Variants in NHSL1 observed in about 807,000 individuals in gnomAD.
NHSL1 encodes NHS-like protein 1.
NHSL1 carries 48 observed loss-of-function variants against 95.0 expected under a neutral mutation model. That is an observed-to-expected ratio of 0.51 (90% CI 0.40 to 0.64). The LOEUF (loss-of-function observed/expected upper bound fraction) is 0.64. Among genes scored for constraint, NHSL1 ranks in the 30% least tolerant of loss-of-function variants. The probability of loss-of-function intolerance (pLI) is 0.00; values close to 1 mark genes in which losing one functional copy is unlikely to be tolerated. For missense variants in NHSL1, 1,971 were observed against 2,077.7 expected (o/e 0.95, Z 1.00); for synonymous variants, 783 against 833.9 (o/e 0.94, Z 1.05).
chr6:138,512,485 C>T (rs2128301674), intron 1 of NHSL1: 1 of 229,800 alleles, frequency 4.4e-6, no homozygotes, highest in East Asian at 1.4e-4. Context: ...AACAGGATAA[C>T]TCTATATTCT....
intron 5 of NHSL1, among the ~76,000 whole-genome samples, chr6:138,441,284 G>A (rs912832633): frequency 6.6e-6 from 1 of 152,094 alleles, no homozygotes; most frequent in Non-Finnish European, 1.5e-5. Context: ...TGGTATTATG[G>A]GCCCTATTAG....
In NHSL1 at chr6:138,422,086, G is replaced by A. The variant is rs1774956267; in HGVS notation, c.*1995C>T. 6.6e-6 allele frequency: 1 copy of A among 152,164 alleles called. No homozygotes were observed. The highest frequency in any genetic ancestry group is 2.4e-5 in the African/African-American group (1 of 41,432). 9.4% of individuals were successfully genotyped at this position (152,164 alleles called of 1,614,324 possible). ...TATTCAAAGGAAATTAAATACAAAT[G>A]TATATTTTTCATTAAAAATGGGGAT... On this transcript the variant is annotated 3_prime_UTR_variant, in exon 8 of 8. Coordinates refer to ENST00000343505, the MANE Select transcript of NHSL1 (RefSeq NM_001144060.2).
intron 1 of NHSL1, among the ~76,000 whole-genome samples, chr6:138,570,747 G>C (rs1351893017): frequency 6.6e-6 from 1 of 152,182 alleles, no homozygotes; most frequent in African/African-American, 2.4e-5. Flanking sequence ...CCAAAGCAGG[G>C]GGAAGCACAG....
intron 3 of NHSL1, among the ~76,000 whole-genome samples, chr6:138,464,710 C>CTTTTTTTT (rs1388677216): frequency 9.0e-6 from 1 of 111,716 alleles, no homozygotes; most frequent in African/African-American, 4.3e-5. Flanking sequence ...TTTTTTTTTT[C>CTTTTTTTT]TTTTCTTTTT....
chr6:138,581,640 C>T (rs1784057615), intron 1 of NHSL1, among the ~76,000 whole-genome samples: 1 of 143,182 alleles, frequency 7.0e-6, no homozygotes, highest in Non-Finnish European at 1.5e-5. Context: ...TGCTGTGAGC[C>T]GAGATCATGC....
intron 1 of NHSL1, among the ~76,000 whole-genome samples, chr6:138,587,124 C>T (rs1054353398): frequency 6.6e-6 from 1 of 151,898 alleles, no homozygotes; most frequent in Admixed American, 6.6e-5. Flanking sequence ...AGGCGCATGC[C>T]ACCATGCCCG....
chr6:138,466,678 G>C (rs552500698), intron 3 of NHSL1, among the ~76,000 whole-genome samples: 1 of 152,266 alleles, frequency 6.6e-6, no homozygotes, highest in African/African-American at 2.4e-5. Flanking sequence ...AATTTCTATT[G>C]CCTAGTGATG....
intron 1 of NHSL1, among the ~76,000 whole-genome samples, chr6:138,661,386 G>A (rs968202309): frequency 2.6e-5 from 4 of 151,692 alleles, no homozygotes; most frequent in South Asian, 2.1e-4. Context: ...TTCCAGCTAC[G>A]TGGGAGGCTG....
intron 1 of NHSL1, among the ~76,000 whole-genome samples, chr6:138,589,572 G>T (rs1784193438): frequency 1.3e-5 from 2 of 152,070 alleles, no homozygotes; most frequent in Non-Finnish European, 2.9e-5. Flanking sequence ...GGTTCAGTAG[G>T]GTCGCCTGTG....
Position 138,516,292 on chromosome 6 carries a change from A to G in NHSL1, c.17-19921T>C, listed in dbSNP as rs763368299. Among the ~76,000 whole-genome samples the G allele has an allele frequency of 1.6e-4, 25 of 152,160 alleles. No individual in the cohort carries two copies. The South Asian group carries it at 1.7e-3, about 10-fold the overall frequency. ...GGTGCCAGCTTTGACTGCGGCAGAG[A>G]TAACAGCTCCTTTGGCCAGCTGAGA... On this transcript the variant is annotated intron_variant, in intron 1 of 4. Transcript: ENST00000342260.
intron 1 of NHSL1, among the ~76,000 whole-genome samples, chr6:138,639,269 G>A (rs981061268): frequency 3.3e-5 from 5 of 151,552 alleles, no homozygotes; most frequent in African/African-American, 1.2e-4. Context: ...TTGAGAATTT[G>A]GTATAAAGTA....
chr6:138,526,475 G>C (rs1355800962), intron 1 of NHSL1, among the ~76,000 whole-genome samples: 1 of 152,126 alleles, frequency 6.6e-6, no homozygotes, highest in Non-Finnish European at 1.5e-5. Context: ...AGTGAGCCCT[G>C]TCTGGAAAAA....
chr6:138,606,694 C>T (rs191545247), intron 1 of NHSL1, among the ~76,000 whole-genome samples: 76 of 131,546 alleles, frequency 5.8e-4, no homozygotes, highest in African/African-American at 1.7e-3. Flanking sequence ...CTTTTTCTTT[C>T]TTTCTTTCTT....
At position 138,430,990 on chromosome 6, in the gene NHSL1, G is replaced by C; in HGVS notation, c.3355C>G (p.Arg1119Gly). 6.4e-7 allele frequency: 1 copy of C among 1,552,172 alleles called. No homozygotes were observed. The highest frequency in any genetic ancestry group is 1.2e-5 in the South Asian group (1 of 84,058). The part of the protein sequence containing the change: ...HLKPSAFLKS[R>G]NSTNEMESES... The stretch of plus-strand genomic sequence containing the variant: ...CTCTCCATTTCATTTGTGCTATTTC[G>C]GGATTTCAGGAAAGCAGATGGCTTT... Residue 1119 changes from arginine to glycine, a missense_variant, in exon 6 of 8, where the codon CGA becomes GGA. Physicochemically the swap from Arg to Gly is moderately radical, Grantham distance 125. Coordinates refer to ENST00000343505, the MANE Select transcript of NHSL1 (RefSeq NM_001144060.2). This position sits in a 1 kb window ranked among gnomAD's most constrained non-coding sequence, Gnocchi z 4.7.
intron 3 of NHSL1, chr6:138,464,334 A>C (rs1778204298): frequency 1.7e-6 from 1 of 572,954 alleles, no homozygotes; most frequent in Non-Finnish European, 3.2e-6. Flanking sequence ...CTGGAGCTCC[A>C]CGGCCTGGAG....
intron 1 of NHSL1, among the ~76,000 whole-genome samples, chr6:138,633,517 G>C (rs1230125246): frequency 2.0e-5 from 3 of 152,168 alleles, no homozygotes. Flanking sequence ...CAGACCAGGA[G>C]AGAGTGGCAT....
intron 1 of NHSL1, among the ~76,000 whole-genome samples, chr6:138,598,060 G>A (rs913669419): frequency 2.7e-4 from 41 of 151,276 alleles, no homozygotes; most frequent in African/African-American, 8.9e-4. Flanking sequence ...CAGCACTCTC[G>A]GAGGCCGAGG....
chr6:138,473,938 T>C (rs1032563776), intron 2 of NHSL1, among the ~76,000 whole-genome samples: 6 of 152,240 alleles, frequency 3.9e-5, no homozygotes, highest in Admixed American at 3.9e-4. Flanking sequence ...TCTCATTTTA[T>C]ATTAATTTTC....
chr6:138,461,847 T>G (rs1279121838), intron 3 of NHSL1, among the ~76,000 whole-genome samples: 4 of 152,218 alleles, frequency 2.6e-5, no homozygotes, highest in African/African-American at 9.6e-5. Context: ...ATGGTTATGA[T>G]GCAATCAAGA....
Sources: allele counts gnomAD v4.1 joint callset (sites outside exome capture counted in the v4.1 genomes callset), GRCh38; gene constraint gnomAD v4.1.1; non-coding constraint Gnocchi (gnomAD v3.1); transcripts MANE v1.5; gene names NCBI Gene and HGNC (gene_info 2026-07-23, HGNC 2026-07-21).